CNGB3: variants seen among roughly 807,000 people sequenced by gnomAD.
CNGB3 encodes cyclic nucleotide gated channel subunit beta 3.
CNGB3 carries 86 observed loss-of-function variants against 92.8 expected under a neutral mutation model. That is an observed-to-expected ratio of 0.93 (90% CI 0.78 to 1.11). The LOEUF (loss-of-function observed/expected upper bound fraction) is 1.11, where lower values mean the gene tolerates loss of function less well. Among genes scored for constraint, CNGB3 ranks in the 50% least tolerant of loss-of-function variants. The pLI is 0.00. For synonymous variants in CNGB3, 333 were observed against 332.7 expected (o/e 1.00, Z -0.01); for missense variants, 1,026 against 956.8 (o/e 1.07, Z -0.95).
At chr8:86,597,293 C>T (rs1822193055) in intron 15 of CNGB3, among the ~76,000 whole-genome samples, 2 of 152,168 alleles carry the variant, frequency 1.3e-5, no homozygotes, top group Admixed American at 6.5e-5. Context: ...GCTCATGGCT[C>T]AGAAGTGGAG....
In CNGB3 at chr8:86,628,976, C is replaced by G; in HGVS notation, c.1423G>C (p.Val475Leu). 1 of 1,613,934 alleles carries G rather than the reference C, an allele frequency of 6.2e-7. No individual in the cohort carries two copies. Among genetic ancestry groups the G allele is most frequent in the Non-Finnish European group, 8.5e-7 (1 of 1,179,932 alleles). ...TACCAAGTCCGAACTCGCTTTTGCA[C>G]AAGTTTAGGAATGGAGTAATTGTTC... ...YMNNYSIPKL[V>L]QKRVRTWYEY... The change falls in exon 12 of 18, where the codon GTG (valine) becomes CTG (leucine). Residue 475 changes from valine (V) to leucine (L), a missense_variant. Transcript: ENST00000320005.
intron 3 of CNGB3, among the ~76,000 whole-genome samples, chr8:86,690,617 A>G (rs138314069): frequency 0.2 from 30,991 of 152,028 alleles, 3,366 homozygotes; most frequent in Middle Eastern, 0.37. Context: ...GGTGTCTTAG[A>G]CATGAAGTCC....
At chr8:86,677,610 C>T (rs755601759) in intron 3 of CNGB3, among the ~76,000 whole-genome samples, 12 of 151,992 alleles carry the variant, frequency 7.9e-5, no homozygotes, top group South Asian at 2.1e-4. Flanking sequence ...CTGACATTTA[C>T]GGCATAGCAT....
intron 6 of CNGB3, among the ~76,000 whole-genome samples, chr8:86,665,766 G>T (rs956511430): frequency 6.6e-6 from 1 of 152,142 alleles, no homozygotes; most frequent in Non-Finnish European, 1.5e-5. Flanking sequence ...GGGAGGAAGT[G>T]GGGGAGGGCA....
rs758828078 is a variant in CNGB3, at chr8:86,632,838, G to A, written c.1234C>T (p.Pro412Ser). 1 of 1,612,790 alleles carries A rather than the reference G, an allele frequency of 6.2e-7. No individual in the cohort carries two copies. The highest frequency in any genetic ancestry group is 2.2e-5 in the East Asian group (1 of 44,794). Reference protein sequence around the residue: ...VRTLITIGGLPEPQTLFEIVF... With the variant: ...VRTLITIGGLSEPQTLFEIVF... ...ATTTCAAATAAAGTTTGTGGTTCTG[G>A]AAGGCCACCAATGGTAATTAAAGTT... is the stretch of plus-strand genomic sequence containing the variant. Residue 412 changes from proline to serine, a missense_variant, in exon 11 of 18, where the codon CCA (proline) becomes TCA (serine). Pro to Ser is a moderately conservative substitution (Grantham distance 74). Coordinates refer to ENST00000320005, the MANE Select transcript of CNGB3 (RefSeq NM_019098.5).
intron 13 of CNGB3, among the ~76,000 whole-genome samples, chr8:86,612,160 C>T (rs1822533782): frequency 6.6e-6 from 1 of 151,940 alleles, no homozygotes; most frequent in African/African-American, 2.4e-5. Flanking sequence ...TCTTTCTTCT[C>T]CAACTCAATT....
chr8:86,642,143 A>G (rs953953611), intron 10 of CNGB3, among the ~76,000 whole-genome samples: 1 of 151,684 alleles, frequency 6.6e-6, no homozygotes, highest in Non-Finnish European at 1.5e-5. Flanking sequence ...TAGAAACTCC[A>G]CAGAGAGGCG....
At chr8:86,647,428 A>G (rs575646623) in intron 8 of CNGB3, among the ~76,000 whole-genome samples, 10 of 150,812 alleles carry the variant, frequency 6.6e-5, no homozygotes, top group Non-Finnish European at 1.3e-4. Flanking sequence ...CTAACCCCTT[A>G]ATTTTACATC....
chr8:86,587,289 C>T (rs1821918766), intron 15 of CNGB3, among the ~76,000 whole-genome samples: 1 of 151,958 alleles, frequency 6.6e-6, no homozygotes, highest in African/African-American at 2.4e-5. Flanking sequence ...TTGTAGGTTG[C>T]CTGTTGACTC....
intron 1 of CNGB3, among the ~76,000 whole-genome samples, chr8:86,742,355 TAGAA>T (rs1400075487): frequency 2.6e-5 from 4 of 152,198 alleles, no homozygotes; most frequent in Admixed American, 1.3e-4. Context: ...ACATAAGAAT[TAGAA>T]AGAAGTCAAG....
At chr8:86,708,977 A>T (rs531443294) in intron 3 of CNGB3, among the ~76,000 whole-genome samples, 28 of 152,300 alleles carry the variant, frequency 1.8e-4, no homozygotes, top group Middle Eastern at 3.4e-3. Context: ...GAATAGAGAA[A>T]TAGGGTGTGG....
At chr8:86,721,309 C>G (rs937975235) in intron 3 of CNGB3, among the ~76,000 whole-genome samples, 4 of 152,024 alleles carry the variant, frequency 2.6e-5, no homozygotes, top group Admixed American at 2.6e-4. Flanking sequence ...TGAAGTAACT[C>G]AGGAATGAAA....
intron 3 of CNGB3, among the ~76,000 whole-genome samples, chr8:86,724,238 C>T (rs1413944469): frequency 6.6e-6 from 1 of 152,126 alleles, no homozygotes; most frequent in Non-Finnish European, 1.5e-5. Context: ...GATAGTGATA[C>T]TGATGAAAAG....
intron 1 of CNGB3, 83 bp downstream of exon 1, chr8:86,743,416 A>C: frequency 6.6e-7 from 1 of 1,514,874 alleles, no homozygotes; most frequent in Admixed American, 1.7e-5. Context: ...CTAAACAATC[A>C]TATATCGTAG....
intron 11 of CNGB3, 128 bp downstream of exon 11, chr8:86,632,624 T>G (rs1822983795): frequency 1.0e-6 from 1 of 960,520 alleles, no homozygotes; most frequent in African/African-American, 1.7e-5. Flanking sequence ...CTCATTAAAA[T>G]AGAAGAAAGT....
intron 15 of CNGB3, among the ~76,000 whole-genome samples, chr8:86,581,852 G>A (rs1325107124): frequency 6.6e-6 from 1 of 152,100 alleles, no homozygotes; most frequent in Non-Finnish European, 1.5e-5. Context: ...CAAAGACAGG[G>A]AACTAGAAGG....
intron 13 of CNGB3, among the ~76,000 whole-genome samples, chr8:86,622,065 A>G (rs926556470): frequency 6.6e-6 from 1 of 152,130 alleles, no homozygotes; most frequent in Admixed American, 6.5e-5. Context: ...AAACAACAAA[A>G]AAAGGAATAA....
intron 10 of CNGB3, among the ~76,000 whole-genome samples, chr8:86,639,024 T>C (rs530097816): frequency 4.3e-4 from 65 of 152,126 alleles, no homozygotes; most frequent in African/African-American, 1.5e-3. Flanking sequence ...TTCATCTACC[T>C]AAGTCTCATC....
intron 1 of CNGB3, among the ~76,000 whole-genome samples, chr8:86,742,299 G>T (rs1186863870): frequency 6.6e-6 from 1 of 152,162 alleles, no homozygotes; most frequent in Non-Finnish European, 1.5e-5. Flanking sequence ...GACATTGTAT[G>T]AGTTCTTAAA....
Sources: allele counts gnomAD v4.1 joint callset (sites outside exome capture counted in the v4.1 genomes callset), GRCh38; gene constraint gnomAD v4.1.1; transcripts MANE v1.5; gene names NCBI Gene and HGNC (gene_info 2026-07-23, HGNC 2026-07-21).